ATXN3: variants seen among roughly 807,000 people sequenced by gnomAD.
ATXN3 encodes ataxin-3.
ATXN3 carries 28 observed loss-of-function variants against 58.2 expected under a neutral mutation model. That is an observed-to-expected ratio of 0.48 (90% confidence interval 0.36 to 0.66). The LOEUF is 0.66. Ranked by LOEUF, ATXN3 falls within the 30% of genes least tolerant of loss-of-function variation. The probability of loss-of-function intolerance (pLI) is 0.00; values close to 1 mark genes in which losing one functional copy is unlikely to be tolerated. For synonymous variants in ATXN3, 113 were observed against 138.5 expected (o/e 0.82, Z 1.29); for missense variants, 321 against 422.1 (o/e 0.76, Z 2.10).
In ATXN3 at chr14:92,063,748, T is replaced by A. The variant is rs1294779639; in HGVS notation, c.*572A>T. 1 of 152,100 alleles carries A rather than the reference T, an allele frequency of 6.6e-6. No individual in the cohort carries two copies. The highest frequency in any genetic ancestry group is 2.4e-5 in the African/African-American group (1 of 41,412). The allele number at this position is 152,100 out of a possible 1,614,324, so 9.4% of individuals were successfully genotyped here. A position where few individuals can be genotyped will look rare whatever the true frequency, so the allele number is the denominator to read the frequency against. On this transcript the variant is annotated 3_prime_UTR_variant, in exon 11 of 11. Transcript: ENST00000644486. ...TTGTGGGAAAATAATGAAAACCAGG[T>A]AGCAGAAAAGTTGTGATCAGAGAAA... is the stretch of plus-strand genomic sequence containing the variant.
intron 6 of ATXN3, among the ~76,000 whole-genome samples, chr14:92,084,726 C>T (rs139199676): frequency 6.6e-6 from 1 of 151,938 alleles, no homozygotes; most frequent in Non-Finnish European, 1.5e-5. Context: ...ATTACAGGCA[C>T]CCACCACCAC....
At chr14:92,079,526 A>G in intron 9 of ATXN3, 1 of 716,872 alleles carries the variant, frequency 1.4e-6, no homozygotes, top group Non-Finnish European at 1.7e-6. Context: ...ATCAAATGTA[A>G]AATGAGCCAA....
At chr14:92,097,844 G>A (rs367769116) in intron 1 of ATXN3, among the ~76,000 whole-genome samples, 5 of 152,112 alleles carry the variant, frequency 3.3e-5, no homozygotes, top group African/African-American at 1.2e-4. Context: ...TTTTAACATA[G>A]TTGAACTGAA....
chr14:92,051,359 A>G (rs965108946), upstream of ATXN3, among the ~76,000 whole-genome samples: 1 of 152,166 alleles, frequency 6.6e-6, no homozygotes, highest in African/African-American at 2.4e-5. Flanking sequence ...TTACCAAGAG[A>G]ATTGTAAAGT....
At chr14:92,066,598 CTTG>C (rs1313617417) in intron 10 of ATXN3, among the ~76,000 whole-genome samples, 1 of 105,014 alleles carries the variant, frequency 9.5e-6, no homozygotes, top group Non-Finnish European at 2.0e-5. Flanking sequence ...GAGTTTTTTT[CTTG>C]TTTTTTTTTT....
intron 10 of ATXN3, among the ~76,000 whole-genome samples, chr14:92,067,909 G>C (rs2058729195): frequency 6.6e-6 from 1 of 152,164 alleles, no homozygotes; most frequent in Non-Finnish European, 1.5e-5. Context: ...GATTACTGCT[G>C]AACGCACATG....
downstream of ATXN3, among the ~76,000 whole-genome samples, chr14:92,057,399 G>A (rs923641006): frequency 5.0e-5 from 7 of 141,288 alleles, no homozygotes; most frequent in South Asian, 4.9e-4. Flanking sequence ...ATGACACAGC[G>A]AAGCTCTGTC....
chr14:92,055,519 C>T (rs2057462125), downstream of ATXN3, among the ~76,000 whole-genome samples: 1 of 152,184 alleles, frequency 6.6e-6, no homozygotes. The surrounding 1 kb of genome is among the most constrained non-coding windows in gnomAD (Gnocchi z 4.5). Context: ...CTAATTTTCC[C>T]CTCAACCATC....
At chr14:92,099,491 T>C (rs2066225936) in intron 1 of ATXN3, among the ~76,000 whole-genome samples, 1 of 152,258 alleles carries the variant, frequency 6.6e-6, no homozygotes, top group African/African-American at 2.4e-5. Flanking sequence ...CTCCTCCTTA[T>C]ATATTTCTAC....
In ATXN3 at chr14:92,076,455, GAA is replaced by G. The variant is rs374353802; in HGVS notation, c.872+4508_872+4509del. On this transcript the variant is annotated intron_variant, in intron 9 of 10. Transcript: ENST00000644486. ...AAAAGCGAGACCTCGTCTCAAAAAA[GAA>G]AAAAAAAAAAAAAAAAGCTCAATTT... Among the ~76,000 whole-genome samples, 701 of 98,548 alleles carry G rather than the reference GAA, an allele frequency of 7.1e-3. 4 individuals are homozygous for G. Among genetic ancestry groups the G allele is most frequent in the African/African-American group, 0.023 (635 of 27,768 alleles). The allele number at this position is 98,548 out of a possible 152,430, so 64.7% of individuals were successfully genotyped here.
At chr14:92,095,088 G>C (rs1406727042) in intron 3 of ATXN3, among the ~76,000 whole-genome samples, 1 of 143,336 alleles carries the variant, frequency 7.0e-6, no homozygotes, top group Non-Finnish European at 1.5e-5. Context: ...AATTCAAAGA[G>C]AGCTATACAT....
At chr14:92,089,357 T>TTC (rs1290290194) in intron 5 of ATXN3, among the ~76,000 whole-genome samples, 4 of 120,754 alleles carry the variant, frequency 3.3e-5, no homozygotes, top group African/African-American at 1.4e-4. Context: ...TTTTTTTTTT[T>TTC]AGACAGAGTA....
intron 1 of ATXN3, 112 bp from the exon 2 acceptor site, chr14:92,096,950 C>G: frequency 2.1e-6 from 2 of 940,688 alleles, no homozygotes; most frequent in Admixed American, 2.2e-5. Flanking sequence ...CTCTTTCACC[C>G]AGGCCGGAGT....
chr14:92,071,269 G>A (rs1194556908), intron 9 of ATXN3: 1 of 806,654 alleles, frequency 1.2e-6, no homozygotes, highest in Admixed American at 2.0e-5. Flanking sequence ...AAATTTATCA[G>A]ACAAATTAAG....
At chr14:92,050,536 C>G (rs960958210), upstream of ATXN3, 3 of 152,316 alleles carry the variant, frequency 2.0e-5, no homozygotes, top group African/African-American at 4.8e-5. Context: ...AAATTCCAAA[C>G]CTAGGACAGT....
chr14:92,096,273 C>A, intron 2 of ATXN3, 136 bp from the exon 3 acceptor site: 1 of 1,558,616 alleles, frequency 6.4e-7, no homozygotes, highest in Non-Finnish European at 8.7e-7. Context: ...TATAATTCAC[C>A]AGTCAGATCC....
At chr14:92,096,981 C>G in intron 1 of ATXN3, 143 bp from the exon 2 acceptor site, 1 of 680,694 alleles carries the variant, frequency 1.5e-6, no homozygotes, top group Non-Finnish European at 2.5e-6. Flanking sequence ...TATCTTGGCT[C>G]ACTGCAAGCT....
Position 92,063,178 on chromosome 14 carries a change from T to C in ATXN3, c.*1142A>G, listed in dbSNP as rs1417260947. On this transcript the variant is annotated 3_prime_UTR_variant, in exon 11 of 11. Coordinates refer to ENST00000644486, the MANE Select transcript of ATXN3 (RefSeq NM_004993.6). ...ATCTAAACATGATGCAAGTGTCAAA[T>C]CACAGTATAAATTTAAACATATTTT... The C allele has an allele frequency of 6.6e-6, 1 of 152,644 alleles. No homozygotes were observed. Among genetic ancestry groups the C allele is most frequent in the Non-Finnish European group, 1.5e-5 (1 of 68,034 alleles). The allele number at this position is 152,644 out of a possible 1,614,324, so 9.5% of individuals were successfully genotyped here.
rs537987995 is a variant in ATXN3 at position 92,106,516 on chromosome 14, C to A, written c.24+13G>T. 4 of 1,613,416 alleles carry A rather than the reference C, an allele frequency of 2.5e-6. No individual in the cohort carries two copies. Among genetic ancestry groups the A allele is most frequent in the Admixed American group, 1.7e-5 (1 of 60,018 alleles). ...GCGCGGCAGACAGCTCCCCACCGAA[C>A]GCGGACACTCACTTTCTCGTGGAAG... On this transcript the variant is annotated intron_variant, in intron 1 of 10. Transcript: ENST00000644486.
Sources: gnomAD v4.1 joint callset for allele counts (sites outside exome capture counted in the v4.1 genomes callset) on GRCh38, gnomAD v4.1.1 for gene constraint, Gnocchi (gnomAD v3.1) non-coding constraint, MANE v1.5 for transcripts, NCBI Gene and HGNC (gene_info 2026-07-23, HGNC 2026-07-21) for gene names.